SYNJ2: variants seen among roughly 807,000 people sequenced by gnomAD.
SYNJ2 encodes synaptojanin 2.
Under a neutral mutation model 141.3 loss-of-function variants are expected in SYNJ2, and 116 were observed. That is an observed-to-expected ratio of 0.82 (90% CI 0.71 to 0.96). The LOEUF (loss-of-function observed/expected upper bound fraction) is 0.96, where lower values mean the gene tolerates loss of function less well. Among genes scored for constraint, SYNJ2 ranks in the 40% least tolerant of loss-of-function variants. The pLI, the probability that SYNJ2 is intolerant of heterozygous loss-of-function variation, is 0.00. For missense variants in SYNJ2, 1,873 were observed against 1,934.8 expected (o/e 0.97, Z 0.60); for synonymous variants, 745 against 777.7 (o/e 0.96, Z 0.70).
chr6:158,028,682 C>T lies in SYNJ2; in HGVS notation c.215-74C>T. 4 of 1,565,828 alleles carry T rather than the reference C, an allele frequency of 2.6e-6. No individual in the cohort carries two copies. In the African/African-American group the frequency reaches 5.4e-5, roughly 21 times the overall value. The stretch of plus-strand genomic sequence containing the variant: ...CCTGGCTGCGGTTGAACCTGGGCTC[C>T]ATTTGTCCCCTTGGAGCTCCAGGCG... On this transcript the variant is annotated intron_variant, in intron 2 of 26. Coordinates refer to ENST00000355585, the MANE Select transcript of SYNJ2 (RefSeq NM_003898.4).
At chr6:158,087,102 C>A in intron 23 of SYNJ2, 113 bp downstream of exon 23, 2 of 1,262,308 alleles carry the variant, frequency 1.6e-6, no homozygotes, top group Non-Finnish European at 2.2e-6. Flanking sequence ...CCGGTCCCCA[C>A]AGGGCTTCCT....
chr6:158,017,405 C>CTTTTT (rs34667973), intron 2 of SYNJ2, 115 bp downstream of exon 2: 143 of 600,340 alleles, frequency 2.4e-4, no homozygotes, highest in South Asian at 9.6e-4. Flanking sequence ...TCTCTCTCTT[C>CTTTTT]TTTTTTTTTT....
intron 25 of SYNJ2, among the ~76,000 whole-genome samples, chr6:158,091,501 C>T (rs1350799897): frequency 1.3e-5 from 2 of 151,148 alleles, no homozygotes; most frequent in Non-Finnish European, 1.5e-5. Context: ...GTAATCCCAG[C>T]GCTTTGGGAG....
chr6:158,083,382 G>C, intron 20 of SYNJ2, 47 bp from the exon 21 acceptor site: 1 of 1,597,058 alleles, frequency 6.3e-7, no homozygotes, highest in Non-Finnish European at 8.6e-7. Context: ...TCAACAGGAG[G>C]GGTCATGATT....
rs1273172114 is a variant in SYNJ2 at position 158,033,486 on chromosome 6, C to T, written c.517C>T (p.His173Tyr). 1.2e-6 allele frequency: 2 copies of T among 1,614,100 alleles called. No individual in the cohort carries two copies. The highest frequency in any genetic ancestry group is 1.6e-4 in the Middle Eastern group (1 of 6,084). Residue 173 changes from histidine (H) to tyrosine (Y), a missense_variant, in exon 4 of 27, where the codon CAC becomes TAC. By Grantham distance (83) the His-to-Tyr change is moderately conservative. Coordinates refer to ENST00000355585, the MANE Select transcript of SYNJ2 (RefSeq NM_003898.4). ...NQLLHVPLRQ[H>Y]QVSCCDWLLK... ...GCTGTTGCACGTGCCCTTGAGGCAG[C>T]ACCAGGTGAGCTGCTGTGACTGGCT...
At chr6:158,062,551 G>A (rs966788648) in intron 8 of SYNJ2, among the ~76,000 whole-genome samples, 5 of 152,116 alleles carry the variant, frequency 3.3e-5, no homozygotes, top group Admixed American at 6.5e-5. Context: ...CCACAGTCGC[G>A]GTGGGATGGC....
intron 22 of SYNJ2, 133 bp from the exon 23 acceptor site, chr6:158,086,722 G>A (rs1783058785): frequency 8.2e-6 from 3 of 367,942 alleles, no homozygotes; most frequent in African/African-American, 2.4e-5. Context: ...AGAGGTGCCC[G>A]TTTCTGGACA....
intron 1 of SYNJ2, among the ~76,000 whole-genome samples, chr6:157,999,686 G>T (rs891932152): frequency 1.3e-5 from 2 of 152,214 alleles, no homozygotes; most frequent in South Asian, 2.1e-4. Flanking sequence ...TGGGGCAGGT[G>T]GTGGGTAAGG....
chr6:158,009,116 C>A (rs1446495180), intron 1 of SYNJ2, among the ~76,000 whole-genome samples: 1 of 152,226 alleles, frequency 6.6e-6, no homozygotes, highest in African/African-American at 2.4e-5. Flanking sequence ...TCAGATGTCA[C>A]CCTTGCAATG....
intron 26 of SYNJ2, chr6:158,093,863 G>GCTTTTCTTGCCA (rs1348192702): frequency 2.6e-6 from 2 of 764,152 alleles, no homozygotes; most frequent in African/African-American, 3.4e-5. Context: ...AGGTTCCACA[G>GCTTTTCTTGCCA]CTTTTCTTGC....
rs1583537577 is a variant in SYNJ2 at position 158,096,346 on chromosome 6, C to A, written c.4473C>A (p.Asp1491Glu). The change falls in exon 27 of 27, where the codon GAC becomes GAA. Residue 1491 changes from aspartate to glutamate, a missense_variant. By Grantham distance (45) the Asp-to-Glu change is conservative (BLOSUM62 2). Coordinates refer to ENST00000355585, the MANE Select transcript of SYNJ2 (RefSeq NM_003898.4). ...QEKRTALQVFDPLAKT is the reference protein window; with the variant it reads ...QEKRTALQVFEPLAKT The stretch of plus-strand genomic sequence containing the variant: ...AGAGGACAGCACTGCAGGTGTTTGA[C>A]CCACTGGCAAAAACATGACTGAGCA... 1 of 1,606,374 alleles carries A rather than the reference C, an allele frequency of 6.2e-7. No individual in the cohort carries two copies. The highest frequency in any genetic ancestry group is 8.5e-7 in the Non-Finnish European group (1 of 1,177,440).
chr6:158,092,290 C>T (rs1402134419), intron 25 of SYNJ2, among the ~76,000 whole-genome samples: 2 of 152,080 alleles, frequency 1.3e-5, no homozygotes, highest in African/African-American at 4.8e-5. Flanking sequence ...CTCACTGGTC[C>T]CCATCCAAAC....
chr6:157,984,696 G>A (rs1367049619), intron 1 of SYNJ2, among the ~76,000 whole-genome samples: 1 of 152,214 alleles, frequency 6.6e-6, no homozygotes, highest in Non-Finnish European at 1.5e-5. Context: ...GAGCCACCAT[G>A]CCTGACCCGA....
chr6:158,081,099 C>T lies in SYNJ2; in HGVS notation c.2568-10C>T, dbSNP rs762946356. 5 of 1,612,950 alleles carry T rather than the reference C, an allele frequency of 3.1e-6. No individual in the cohort carries two copies. In the Admixed American group the frequency reaches 5.0e-5, roughly 16 times the overall value. On this transcript the variant is annotated splice_polypyrimidine_tract_variant and intron_variant, in intron 18 of 26. Coordinates refer to ENST00000355585, the MANE Select transcript of SYNJ2 (RefSeq NM_003898.4). ...GGCTAACTGTCATCCCTCTTTTGTT[C>T]CTAACGCAGACCTGTGCTGGCGATC... is the stretch of plus-strand genomic sequence containing the variant.
intron 4 of SYNJ2, among the ~76,000 whole-genome samples, chr6:158,036,632 G>A (rs1395462422): frequency 2.6e-5 from 4 of 152,116 alleles, no homozygotes; most frequent in African/African-American, 9.7e-5. Context: ...GAGGATGGAG[G>A]GTAGGAGGAG....
At chr6:157,994,504 AG>A (rs1358986127) in intron 1 of SYNJ2, among the ~76,000 whole-genome samples, 4 of 152,200 alleles carry the variant, frequency 2.6e-5, no homozygotes, top group African/African-American at 9.6e-5. Flanking sequence ...CCTTGTAACA[AG>A]GCCCTTCTGG....
At chr6:157,996,287 T>A (rs553291959) in intron 1 of SYNJ2, among the ~76,000 whole-genome samples, 46 of 152,124 alleles carry the variant, frequency 3.0e-4, no homozygotes, top group African/African-American at 1.1e-3. Flanking sequence ...CCAAAACAGA[T>A]GGTGAATCCC....
rs569690869 is a variant in SYNJ2 at position 158,069,418 on chromosome 6, G to A, written c.1800-115G>A. On this transcript the variant is annotated intron_variant, in intron 13 of 26. Transcript: ENST00000355585. ...GCATGACACTAATATTGGGGTGCGG[G>A]CAGCGTGAAATCAGTTCTGCAAACA... The A allele has an allele frequency of 4.6e-6, 6 of 1,295,162 alleles. No homozygotes were observed. The South Asian group carries it at 6.1e-5, about 13-fold the overall frequency. The allele number at this position is 1,295,162 out of a possible 1,614,324, so 80.2% of individuals were successfully genotyped here. A position where few individuals can be genotyped will look rare whatever the true frequency, so the allele number is the denominator to read the frequency against.
intron 1 of SYNJ2, among the ~76,000 whole-genome samples, chr6:158,015,767 C>G (rs1444629436): frequency 1.3e-5 from 2 of 152,152 alleles, no homozygotes; most frequent in Non-Finnish European, 2.9e-5. Flanking sequence ...TATTGCTATA[C>G]TATAACATTT....
Sources: allele counts gnomAD v4.1 joint callset (sites outside exome capture counted in the v4.1 genomes callset), GRCh38; gene constraint gnomAD v4.1.1; transcripts MANE v1.5; gene names NCBI Gene and HGNC (gene_info 2026-07-23, HGNC 2026-07-21).